Variants in EEFSEC observed in about 807,000 individuals in gnomAD.
The protein encoded by EEFSEC is eukaryotic elongation factor, selenocysteine-tRNA specific.
Under a neutral mutation model 42.1 loss-of-function variants are expected in EEFSEC, and 43 were observed. That is an observed-to-expected ratio of 1.02 (90% CI 0.80 to 1.32). EEFSEC has a LOEUF of 1.32. EEFSEC is among the 40% of genes most tolerant of loss of function. The probability of loss-of-function intolerance (pLI) is 0.00; values close to 1 mark genes in which losing one functional copy is unlikely to be tolerated. For missense variants in EEFSEC, 745 were observed against 803.6 expected (o/e 0.93, Z 0.88); for synonymous variants, 354 against 339.1 (o/e 1.04, Z -0.48).
chr3:128,349,523 C>T (rs1183928306), intron 5 of EEFSEC, among the ~76,000 whole-genome samples: 1 of 152,178 alleles, frequency 6.6e-6, no homozygotes, highest in African/African-American at 2.4e-5. Context: ...GGGTCTGGTG[C>T]TTAGGACAGT....
At chr3:128,341,034 G>A (rs142532212) in intron 4 of EEFSEC, among the ~76,000 whole-genome samples, 199 bp from the exon 5 acceptor site, 34 of 152,232 alleles carry the variant, frequency 2.2e-4, no homozygotes, top group Middle Eastern at 6.8e-3. Flanking sequence ...CTTTGCTGGC[G>A]GCCCTCGGCC....
intron 1 of EEFSEC, among the ~76,000 whole-genome samples, chr3:128,211,848 C>CTTTT (rs34885945): frequency 4.4e-4 from 23 of 51,702 alleles, no homozygotes; most frequent in African/African-American, 6.5e-4. Context: ...TTTTTCTTTT[C>CTTTT]TTTTTTTTTT....
intron 1 of EEFSEC, among the ~76,000 whole-genome samples, chr3:128,241,420 A>T (rs1048383382): frequency 6.6e-6 from 1 of 151,934 alleles, no homozygotes; most frequent in Non-Finnish European, 1.5e-5. Flanking sequence ...ATGTTGCCCC[A>T]TGCTGGTCTC....
At chr3:128,316,302 A>G (rs1010181138) in intron 4 of EEFSEC, among the ~76,000 whole-genome samples, 1 of 152,208 alleles carries the variant, frequency 6.6e-6, no homozygotes. Flanking sequence ...ATGCACACAA[A>G]TGCACCACAC....
chr3:128,381,718 G>A (rs923486796), intron 6 of EEFSEC, among the ~76,000 whole-genome samples: 1 of 152,192 alleles, frequency 6.6e-6, no homozygotes, highest in Non-Finnish European at 1.5e-5. Context: ...TGGAGGAAGA[G>A]GGCAGGTCTG....
At chr3:128,210,472 C>T (rs2065744947) in intron 1 of EEFSEC, among the ~76,000 whole-genome samples, 1 of 152,248 alleles carries the variant, frequency 6.6e-6, no homozygotes, top group Non-Finnish European at 1.5e-5. Flanking sequence ...CCCATGGCTT[C>T]ACCCCTCACA....
intron 6 of EEFSEC, among the ~76,000 whole-genome samples, chr3:128,398,853 G>A: frequency 6.7e-6 from 1 of 149,214 alleles, no homozygotes; most frequent in East Asian, 2.1e-4. Flanking sequence ...ACAGGGTGGG[G>A]GATCCCATTC....
chr3:128,321,948 G>A (rs1015987912), intron 4 of EEFSEC, among the ~76,000 whole-genome samples: 8 of 152,200 alleles, frequency 5.3e-5, no homozygotes, highest in African/African-American at 1.9e-4. Flanking sequence ...GTCCAGATTG[G>A]CAGTGAGGGG....
intron 4 of EEFSEC, among the ~76,000 whole-genome samples, chr3:128,332,640 G>A (rs1426246113): frequency 6.6e-6 from 1 of 152,138 alleles, no homozygotes; most frequent in Non-Finnish European, 1.5e-5. Flanking sequence ...TTGTAGAGTT[G>A]GGGTTTCACC....
intron 6 of EEFSEC, among the ~76,000 whole-genome samples, chr3:128,386,932 T>C (rs56249010): frequency 0.074 from 11,196 of 152,230 alleles, 857 homozygotes; most frequent in African/African-American, 0.2. Context: ...TTCAACATGA[T>C]ATTTTGAGGG....
intron 4 of EEFSEC, among the ~76,000 whole-genome samples, chr3:128,332,324 C>T (rs181477184): frequency 6.6e-5 from 10 of 152,318 alleles, no homozygotes; most frequent in African/African-American, 1.9e-4. Flanking sequence ...TTGAATGTCC[C>T]TTATCCGAAA....
chr3:128,417,641 G>A, the EEFSEC span, among the ~76,000 whole-genome samples: 1 of 152,122 alleles, frequency 6.6e-6, no homozygotes, highest in Non-Finnish European at 1.5e-5. This position sits in a 1 kb window ranked among gnomAD's most constrained non-coding sequence, Gnocchi z 4.3. Context: ...CCAGTGTCAG[G>A]CAGAGCACCC....
chr3:128,286,808 T>C (rs2107976885), intron 4 of EEFSEC, among the ~76,000 whole-genome samples: 1 of 152,368 alleles, frequency 6.6e-6, no homozygotes, highest in East Asian at 1.9e-4. Flanking sequence ...AATGTATATA[T>C]AGCAACCCAT....
chr3:128,406,022 TCA>T (rs1203222776), intron 6 of EEFSEC, among the ~76,000 whole-genome samples: 4 of 152,212 alleles, frequency 2.6e-5, no homozygotes, highest in Non-Finnish European at 5.9e-5. Flanking sequence ...CATGCCACTC[TCA>T]CAGTGTCCCC....
chr3:128,423,411 AGAG>A, the EEFSEC span, among the ~76,000 whole-genome samples: 2 of 152,166 alleles, frequency 1.3e-5, no homozygotes, highest in Non-Finnish European at 2.9e-5. Flanking sequence ...GCCAGGAGCC[AGAG>A]GCCCCAGTGA....
chr3:128,381,092 T>C (rs991892513), intron 6 of EEFSEC, among the ~76,000 whole-genome samples: 1 of 152,192 alleles, frequency 6.6e-6, no homozygotes, highest in Non-Finnish European at 1.5e-5. Flanking sequence ...TCTGATTGGC[T>C]CTTGCTATGG....
intron 5 of EEFSEC, among the ~76,000 whole-genome samples, chr3:128,344,751 C>T (rs1312720853): frequency 1.3e-5 from 2 of 152,242 alleles, no homozygotes; most frequent in Non-Finnish European, 2.9e-5. Flanking sequence ...TTGCTGTACC[C>T]AAAACAGCTG....
intron 4 of EEFSEC, among the ~76,000 whole-genome samples, chr3:128,267,743 A>C (rs1448709075): frequency 6.6e-6 from 1 of 152,238 alleles, no homozygotes; most frequent in Admixed American, 6.5e-5. Context: ...CCTTCTGTTG[A>C]AGAGAGGAGG....
At chr3:128,191,666 T>G (rs1050968262) in intron 1 of EEFSEC, among the ~76,000 whole-genome samples, 3 of 152,190 alleles carry the variant, frequency 2.0e-5, no homozygotes, top group African/African-American at 7.2e-5. Flanking sequence ...CTACTTTTTG[T>G]TTATAAATTT....
Sources: gnomAD v4.1 joint callset for allele counts (sites outside exome capture counted in the v4.1 genomes callset) on GRCh38, gnomAD v4.1.1 for gene constraint, Gnocchi (gnomAD v3.1) non-coding constraint, MANE v1.5 for transcripts, NCBI Gene and HGNC (gene_info 2026-07-23, HGNC 2026-07-21) for gene names.